The following LRRC4C variants were observed in gnomAD, a reference collection of about 807,000 sequenced individuals.
LRRC4C encodes leucine rich repeat containing 4C.
LRRC4C carries 5 observed loss-of-function variants against 33.6 expected under a neutral mutation model. The observed-to-expected ratio is 0.15, with a 90% CI of 0.08 to 0.31. The LOEUF (loss-of-function observed/expected upper bound fraction) is 0.31, where lower values mean the gene tolerates loss of function less well. LRRC4C is among the 10% of genes least tolerant of loss of function. LRRC4C has a pLI of 1.00. For synonymous variants in LRRC4C, 329 were observed against 302.0 expected, an observed-to-expected ratio of 1.09 and a Z score of -0.93; for missense variants, 560 against 796.7, an observed-to-expected ratio of 0.70 and a Z score of 3.58.
At chr11:40,262,243 G>T (rs182286499) in intron 4 of LRRC4C, among the ~76,000 whole-genome samples, 1 of 152,008 alleles carries the variant, frequency 6.6e-6, no homozygotes, top group African/African-American at 2.4e-5. Flanking sequence ...TCATCATCAC[G>T]GGTCATTAGA....
intron 3 of LRRC4C, among the ~76,000 whole-genome samples, chr11:40,355,671 C>T (rs910472025): frequency 6.6e-6 from 1 of 152,158 alleles, no homozygotes; most frequent in Admixed American, 6.5e-5. Context: ...TCTCTCTCTG[C>T]ACCATGCTGT....
chr11:40,706,966 T>C (rs1946199302), intron 2 of LRRC4C, among the ~76,000 whole-genome samples: 1 of 152,186 alleles, frequency 6.6e-6, no homozygotes. Context: ...TTATTCTCTT[T>C]GTAGCAATTG....
chr11:40,871,539 T>A (rs1196057776), intron 2 of LRRC4C, among the ~76,000 whole-genome samples: 1 of 152,114 alleles, frequency 6.6e-6, no homozygotes, highest in Non-Finnish European at 1.5e-5. Flanking sequence ...GCCCAGTCAC[T>A]CTTGTCACAG....
intron 3 of LRRC4C, among the ~76,000 whole-genome samples, chr11:40,585,649 A>T: frequency 8.5e-6 from 1 of 117,480 alleles, no homozygotes; most frequent in African/African-American, 3.3e-5. Context: ...CAGTCCCCAG[A>T]GTGTGATGTT....
At chr11:41,076,025 A>G (rs549191353) in intron 1 of LRRC4C, among the ~76,000 whole-genome samples, 2 of 152,290 alleles carry the variant, frequency 1.3e-5, no homozygotes, top group South Asian at 4.1e-4. Context: ...TAAACATTAA[A>G]GTGCCTTCTG....
At chr11:40,480,172 C>T (rs1953472764) in intron 3 of LRRC4C, among the ~76,000 whole-genome samples, 1 of 151,830 alleles carries the variant, frequency 6.6e-6, no homozygotes, top group South Asian at 2.1e-4. Flanking sequence ...TTTGAATTGG[C>T]CTAATATAGA....
At chr11:41,315,017 C>T (rs7101542) in intron 1 of LRRC4C, among the ~76,000 whole-genome samples, 6,566 of 152,046 alleles carry the variant, frequency 0.043, 205 homozygotes, top group African/African-American at 0.076. Flanking sequence ...TCATAACCTA[C>T]GAAATAAGAC....
At chr11:40,283,010 T>C (rs1943585414) in intron 4 of LRRC4C, among the ~76,000 whole-genome samples, 1 of 152,226 alleles carries the variant, frequency 6.6e-6, no homozygotes, top group African/African-American at 2.4e-5. Context: ...TTCTCTTCTT[T>C]GATAATCATT....
chr11:41,308,764 G>A (rs184148612), intron 1 of LRRC4C, among the ~76,000 whole-genome samples: 13 of 151,640 alleles, frequency 8.6e-5, no homozygotes, highest in African/African-American at 3.1e-4. Flanking sequence ...TGGGCCAAAC[G>A]CAAACAGTGC....
chr11:40,329,099 C>A (rs1946229527), intron 3 of LRRC4C, among the ~76,000 whole-genome samples: 1 of 152,296 alleles, frequency 6.6e-6, no homozygotes, highest in South Asian at 2.1e-4. Context: ...GAGTGAGTGA[C>A]AAAATGCTAC....
chr11:41,437,524 C>T (rs2138489905), intron 1 of LRRC4C, among the ~76,000 whole-genome samples: 1 of 152,232 alleles, frequency 6.6e-6, no homozygotes, highest in Middle Eastern at 3.4e-3. Context: ...TTCATGTCTT[C>T]ACAGAACCTT....
At chr11:40,462,409 T>G (rs1345973464) in intron 3 of LRRC4C, among the ~76,000 whole-genome samples, 1 of 152,130 alleles carries the variant, frequency 6.6e-6, no homozygotes, top group Non-Finnish European at 1.5e-5. Flanking sequence ...ATTTTCATTC[T>G]TCATTCTTTA....
intron 1 of LRRC4C, among the ~76,000 whole-genome samples, chr11:41,047,403 T>A (rs1189167910): frequency 6.6e-6 from 1 of 152,158 alleles, no homozygotes; most frequent in South Asian, 2.1e-4. Flanking sequence ...CTGGTGATGA[T>A]GTAATATGAT....
intron 1 of LRRC4C, among the ~76,000 whole-genome samples, chr11:40,952,347 A>G (rs1481314499): frequency 6.6e-6 from 1 of 151,930 alleles, no homozygotes; most frequent in African/African-American, 2.4e-5. Flanking sequence ...TGGCTTCGAA[A>G]GCTACCTTTA....
chr11:40,770,473 A>G (rs1168423136), intron 2 of LRRC4C, among the ~76,000 whole-genome samples: 1 of 152,192 alleles, frequency 6.6e-6, no homozygotes, highest in Admixed American at 6.5e-5. Flanking sequence ...GAGCCAGACC[A>G]TATCATTCTG....
chr11:40,652,845 A>T (rs1468360098), intron 2 of LRRC4C, among the ~76,000 whole-genome samples: 2 of 152,158 alleles, frequency 1.3e-5, no homozygotes, highest in Non-Finnish European at 2.9e-5. Flanking sequence ...TCTCTGCCCA[A>T]ATCACCTTGA....
At chr11:40,317,694 C>T (rs1260024466) in intron 4 of LRRC4C, among the ~76,000 whole-genome samples, 1 of 152,080 alleles carries the variant, frequency 6.6e-6, no homozygotes, top group African/African-American at 2.4e-5. Context: ...AACTTTACTT[C>T]CTTCATGGTT....
intron 3 of LRRC4C, among the ~76,000 whole-genome samples, chr11:40,426,267 C>A (rs1339308141): frequency 6.6e-6 from 1 of 152,076 alleles, no homozygotes; most frequent in Non-Finnish European, 1.5e-5. Context: ...CCCACCTTGG[C>A]CTTCCAAAAT....
intron 2 of LRRC4C, among the ~76,000 whole-genome samples, chr11:40,780,038 A>G (rs955232975): frequency 6.6e-6 from 1 of 152,190 alleles, no homozygotes; most frequent in Non-Finnish European, 1.5e-5. Flanking sequence ...CGATTTCTTC[A>G]TCTTTAAAAT....
Sources: gnomAD v4.1 joint callset for allele counts (sites outside exome capture counted in the v4.1 genomes callset) on GRCh38, gnomAD v4.1.1 for gene constraint, MANE v1.5 for transcripts, NCBI Gene and HGNC (gene_info 2026-07-23, HGNC 2026-07-21) for gene names.